CNTNAP2: variants seen among roughly 807,000 people sequenced by gnomAD.
CNTNAP2 encodes contactin associated protein 2, also known as contactin-associated protein-like 2.
Under a neutral mutation model 155.2 loss-of-function variants are expected in CNTNAP2, and 98 were observed. The ratio of observed to expected loss-of-function variants is 0.63; its 90% CI spans 0.54 to 0.75. CNTNAP2 has a LOEUF of 0.75. CNTNAP2 is among the 30% of genes least tolerant of loss of function. The pLI, the probability that CNTNAP2 is intolerant of heterozygous loss-of-function variation, is 0.00. For missense variants in CNTNAP2, 1,727 were observed against 1,688.1 expected, an observed-to-expected ratio of 1.02 and a Z score of -0.40; for synonymous variants, 651 against 631.2, an observed-to-expected ratio of 1.03 and a Z score of -0.47.
At chr7:147,616,599 C>T (rs10239222) in intron 12 of CNTNAP2, among the ~76,000 whole-genome samples, 7,085 of 152,144 alleles carry the variant, frequency 0.047, 467 homozygotes, top group African/African-American at 0.15. Flanking sequence ...CATATCATTC[C>T]GAAATTTGCT....
intron 6 of CNTNAP2, chr7:147,122,929 A>G (rs1801150847): frequency 6.6e-6 from 1 of 152,144 alleles, no homozygotes; most frequent in Admixed American, 6.6e-5. Context: ...AAATAAATGG[A>G]AAAAACAGGA....
intron 8 of CNTNAP2, among the ~76,000 whole-genome samples, chr7:147,271,640 G>A (rs1039166432): frequency 6.6e-6 from 1 of 152,188 alleles, no homozygotes; most frequent in African/African-American, 2.4e-5. Context: ...GTCTGACATG[G>A]TGGCAGGGAA....
chr7:147,388,990 T>C (rs1470846054), intron 9 of CNTNAP2, among the ~76,000 whole-genome samples: 1 of 152,194 alleles, frequency 6.6e-6, no homozygotes, highest in African/African-American at 2.4e-5. Context: ...CCCAGCCACA[T>C]GGGGTGGAGA....
At chr7:147,220,433 ATCTC>A (rs1563121475) in intron 8 of CNTNAP2, among the ~76,000 whole-genome samples, 1 of 152,162 alleles carries the variant, frequency 6.6e-6, no homozygotes, top group Non-Finnish European at 1.5e-5. Flanking sequence ...CATTCTGACA[ATCTC>A]TATCTTTTAA....
At chr7:146,960,303 T>G (rs1267317273) in intron 3 of CNTNAP2, among the ~76,000 whole-genome samples, 2 of 152,234 alleles carry the variant, frequency 1.3e-5, no homozygotes, top group African/African-American at 4.8e-5. Flanking sequence ...TTATTACTTA[T>G]TTTGAGAATG....
intron 15 of CNTNAP2, among the ~76,000 whole-genome samples, chr7:148,018,047 T>C (rs890322333): frequency 2.6e-5 from 4 of 152,222 alleles, no homozygotes; most frequent in Non-Finnish European, 2.9e-5. Flanking sequence ...CATTCACAGA[T>C]GCACACAGAT....
At chr7:148,118,341 G>A in intron 16 of CNTNAP2, 53 bp downstream of exon 16, 1 of 1,594,648 alleles carries the variant, frequency 6.3e-7, no homozygotes, top group South Asian at 1.1e-5. Flanking sequence ...TCACCTCAGG[G>A]TGGTCCGGGT....
chr7:147,732,681 C>A (rs1311980958), intron 13 of CNTNAP2, among the ~76,000 whole-genome samples: 2 of 152,224 alleles, frequency 1.3e-5, no homozygotes, highest in African/African-American at 4.8e-5. Context: ...TATTTCTCCA[C>A]ATCTTCTCCA....
At chr7:146,119,086 TG>T (rs34768562) in intron 1 of CNTNAP2, among the ~76,000 whole-genome samples, 16,213 of 152,096 alleles carry the variant, frequency 0.11, 1,156 homozygotes, top group Non-Finnish European at 0.16. Flanking sequence ...AAGAAAAGTA[TG>T]ATAGTTATAT....
At chr7:146,591,407 G>GGCGCT (rs1798780631) in intron 1 of CNTNAP2, among the ~76,000 whole-genome samples, 1 of 151,678 alleles carries the variant, frequency 6.6e-6, no homozygotes, top group Non-Finnish European at 1.5e-5. Flanking sequence ...TGGTAAATGT[G>GGCGCT]GAATAATAAT....
At chr7:147,312,145 C>G (rs1795138494) in intron 9 of CNTNAP2, among the ~76,000 whole-genome samples, 1 of 152,038 alleles carries the variant, frequency 6.6e-6, no homozygotes, top group Non-Finnish European at 1.5e-5. Flanking sequence ...CTCACCCCTC[C>G]TTTTATTTTT....
At chr7:146,807,938 G>C (rs1265937505) in intron 2 of CNTNAP2, among the ~76,000 whole-genome samples, 1 of 152,086 alleles carries the variant, frequency 6.6e-6, no homozygotes, top group African/African-American at 2.4e-5. Context: ...ACATTTGCTA[G>C]TGGTCTTAAT....
chr7:148,263,531 G>T (rs371707058), intron 20 of CNTNAP2, among the ~76,000 whole-genome samples: 9 of 152,240 alleles, frequency 5.9e-5, no homozygotes, highest in African/African-American at 2.2e-4. Context: ...AAGGTCAAGA[G>T]TTCGAGACCA....
chr7:147,128,637 G>T (rs1236313890), intron 6 of CNTNAP2, 56 bp from the exon 7 acceptor site: 11 of 1,597,826 alleles, frequency 6.9e-6, no homozygotes, highest in Non-Finnish European at 9.4e-6. Flanking sequence ...TCATAGTTTT[G>T]TCTAGTTCAT....
chr7:147,473,315 A>G (rs1160371502), intron 10 of CNTNAP2, among the ~76,000 whole-genome samples: 2 of 152,158 alleles, frequency 1.3e-5, no homozygotes, highest in African/African-American at 2.4e-5. Flanking sequence ...ATGACCACAT[A>G]TTGAGAGAAG....
At chr7:148,259,620 C>T (rs1306392530) in intron 20 of CNTNAP2, among the ~76,000 whole-genome samples, 2 of 152,182 alleles carry the variant, frequency 1.3e-5, no homozygotes, top group Non-Finnish European at 2.9e-5. Context: ...GCCCCTCCAC[C>T]GGTCCAGGAG....
chr7:146,274,532 C>T (rs1220764499), intron 1 of CNTNAP2, among the ~76,000 whole-genome samples: 1 of 152,154 alleles, frequency 6.6e-6, no homozygotes, highest in Non-Finnish European at 1.5e-5. Context: ...ATGTACTCAT[C>T]AGCCCTTTGG....
At chr7:148,221,499 C>G (rs374730933) in intron 19 of CNTNAP2, among the ~76,000 whole-genome samples, 1 of 152,154 alleles carries the variant, frequency 6.6e-6, no homozygotes, top group South Asian at 2.1e-4. Context: ...TTCTGTCTCA[C>G]TGTTACAAGA....
intron 1 of CNTNAP2, among the ~76,000 whole-genome samples, chr7:146,666,480 G>A (rs1430435318): frequency 6.6e-6 from 1 of 152,080 alleles, no homozygotes. Flanking sequence ...ATGTCTTTTT[G>A]ATATACTCAT....
Sources: allele counts gnomAD v4.1 joint callset (sites outside exome capture counted in the v4.1 genomes callset), GRCh38; gene constraint gnomAD v4.1.1; transcripts MANE v1.5; gene names NCBI Gene and HGNC (gene_info 2026-07-23, HGNC 2026-07-21).